The following FILIP1 variants were observed in gnomAD, a reference collection of about 807,000 sequenced individuals.
FILIP1 encodes the protein filamin A interacting protein 1, also known as filamin-A-interacting protein 1.
A neutral mutation model predicts 102.1 loss-of-function variants in FILIP1; 61 were observed. That is an observed-to-expected ratio of 0.60 (90% confidence interval 0.49 to 0.74). The LOEUF is 0.74. Ranked by LOEUF, FILIP1 falls within the 30% of genes least tolerant of loss-of-function variation. FILIP1 has a pLI of 0.00. For synonymous variants in FILIP1, 491 were observed against 526.9 expected, an observed-to-expected ratio of 0.93 and a Z score of 0.93; for missense variants, 1,314 against 1,441.2, an observed-to-expected ratio of 0.91 and a Z score of 1.43.
chr6:75,438,433 T>G (rs1221396582), intron 1 of FILIP1, among the ~76,000 whole-genome samples: 1 of 152,184 alleles, frequency 6.6e-6, no homozygotes, highest in East Asian at 1.9e-4. Flanking sequence ...CCAAGTAAGA[T>G]ATAAAAATGG....
intron 2 of FILIP1, among the ~76,000 whole-genome samples, chr6:75,372,794 G>GA (rs1230044084): frequency 2.5e-5 from 2 of 79,812 alleles, no homozygotes; most frequent in African/African-American, 5.3e-5. Context: ...AAGAAAGAAA[G>GA]AAGGAAAGAA....
At chr6:75,330,469 A>G (rs1774039417) in intron 4 of FILIP1, among the ~76,000 whole-genome samples, 2 of 152,122 alleles carry the variant, frequency 1.3e-5, no homozygotes, top group African/African-American at 4.8e-5. Flanking sequence ...TTTTGACCCT[A>G]GCCCAGTGCA....
chr6:75,364,451 T>C (rs573600151), intron 2 of FILIP1, among the ~76,000 whole-genome samples: 102 of 152,320 alleles, frequency 6.7e-4, no homozygotes, highest in African/African-American at 2.3e-3. Context: ...CCAGGCACCA[T>C]TGTACAAGGC....
intron 1 of FILIP1, among the ~76,000 whole-genome samples, chr6:75,415,509 G>A (rs1777234386): frequency 6.9e-6 from 1 of 144,662 alleles, no homozygotes; most frequent in Non-Finnish European, 1.5e-5. Flanking sequence ...ACCCTGCCAG[G>A]AGCCAGTTGG....
intron 4 of FILIP1, among the ~76,000 whole-genome samples, chr6:75,343,802 A>G (rs1774489593): frequency 6.6e-6 from 1 of 152,256 alleles, no homozygotes; most frequent in South Asian, 2.1e-4. Context: ...TACATTTTCT[A>G]TAATTGAGCA....
chr6:75,452,155 A>T (rs1053370297), intron 1 of FILIP1, among the ~76,000 whole-genome samples: 2 of 151,708 alleles, frequency 1.3e-5, no homozygotes, highest in African/African-American at 4.8e-5. Context: ...CATGTGCACA[A>T]CCTGCAGGTT....
chr6:75,437,606 A>G (rs922061592), intron 1 of FILIP1, among the ~76,000 whole-genome samples: 1 of 152,226 alleles, frequency 6.6e-6, no homozygotes, highest in Non-Finnish European at 1.5e-5. Flanking sequence ...ACAGTCCAAA[A>G]AGATGATGTC....
chr6:75,413,349 A>T (rs989024931), intron 2 of FILIP1, among the ~76,000 whole-genome samples: 2 of 152,274 alleles, frequency 1.3e-5, no homozygotes. Flanking sequence ...ATAGACAAAA[A>T]CACTAACCAC....
intron 1 of FILIP1, among the ~76,000 whole-genome samples, chr6:75,470,878 A>G (rs1779306065): frequency 6.6e-6 from 1 of 152,114 alleles, no homozygotes; most frequent in African/African-American, 2.4e-5. Context: ...AAATATAATG[A>G]GTCCAGGCCA....
intron 4 of FILIP1, among the ~76,000 whole-genome samples, chr6:75,322,867 T>C (rs543591057): frequency 9.2e-5 from 14 of 152,160 alleles, no homozygotes; most frequent in Non-Finnish European, 1.9e-4. Flanking sequence ...CTAATTTTTG[T>C]ATTTTCAGTA....
In FILIP1 at chr6:75,440,517, C is replaced by T. The variant is rs144544445; in HGVS notation, c.-6-25539G>A. 4.6e-5 allele frequency among the ~76,000 whole-genome samples: 7 copies of T among 152,284 alleles called. No homozygotes were observed. The East Asian group carries it at 1.2e-3, about 25-fold the overall frequency. On this transcript the variant is annotated intron_variant, in intron 1 of 5. Coordinates refer to ENST00000237172, the MANE Select transcript of FILIP1 (RefSeq NM_015687.5). ...CCAGTAAGAGGGAAATGCTGAGACC[C>T]GTCTACAAAGTGGAATGGCAGGCAA...
intron 4 of FILIP1, among the ~76,000 whole-genome samples, chr6:75,344,807 A>C (rs1456537852): frequency 6.6e-6 from 1 of 152,226 alleles, no homozygotes; most frequent in East Asian, 1.9e-4. Context: ...TTCAGGGACT[A>C]TCTGGTAATA....
At chr6:75,395,343 G>A (rs1178860678) in intron 2 of FILIP1, among the ~76,000 whole-genome samples, 5 of 152,010 alleles carry the variant, frequency 3.3e-5, no homozygotes, top group African/African-American at 9.7e-5. Flanking sequence ...GCAGTGGCAC[G>A]ATCTTGGCTC....
chr6:75,423,412 G>A (rs576116717), intron 1 of FILIP1, among the ~76,000 whole-genome samples: 58 of 152,114 alleles, frequency 3.8e-4, no homozygotes, highest in African/African-American at 1.3e-3. Context: ...AATCGGTGAA[G>A]GCCAGCTCAG....
chr6:75,493,135 C>T (rs1780012922), intron 1 of FILIP1, among the ~76,000 whole-genome samples: 1 of 152,166 alleles, frequency 6.6e-6, no homozygotes, highest in Admixed American at 6.5e-5. Context: ...AGTTCTGTTA[C>T]CTGCCGAAGA....
chr6:75,356,453 C>A (rs1482342044), intron 3 of FILIP1, among the ~76,000 whole-genome samples: 1 of 151,362 alleles, frequency 6.6e-6, no homozygotes, highest in Non-Finnish European at 1.5e-5. Flanking sequence ...TTTACATCTT[C>A]TAATAATTTT....
At chr6:75,455,687 A>G (rs1383106577) in intron 1 of FILIP1, among the ~76,000 whole-genome samples, 1 of 152,170 alleles carries the variant, frequency 6.6e-6, no homozygotes, top group Non-Finnish European at 1.5e-5. Flanking sequence ...CCTTGCTCAA[A>G]TAACCTTCAA....
intron 1 of FILIP1, among the ~76,000 whole-genome samples, chr6:75,482,591 T>A (rs1002794765): frequency 1.3e-5 from 2 of 152,228 alleles, no homozygotes; most frequent in Admixed American, 6.5e-5. Flanking sequence ...TCATGCTAAT[T>A]AGAGCTACTA....
At chr6:75,390,347 G>T (rs953032918) in intron 2 of FILIP1, among the ~76,000 whole-genome samples, 1 of 152,150 alleles carries the variant, frequency 6.6e-6, no homozygotes, top group African/African-American at 2.4e-5. Flanking sequence ...GTTAATAGCT[G>T]TACTAGTCCA....
Sources: allele counts gnomAD v4.1 joint callset (sites outside exome capture counted in the v4.1 genomes callset), GRCh38; gene constraint gnomAD v4.1.1; transcripts MANE v1.5; gene names NCBI Gene and HGNC (gene_info 2026-07-23, HGNC 2026-07-21).